The following IREB2 variants were observed in gnomAD, a reference collection of about 807,000 sequenced individuals.
IREB2 encodes iron-responsive element-binding protein 2.
Under a neutral mutation model 118.8 loss-of-function variants are expected in IREB2, and 39 were observed. That is an observed-to-expected ratio of 0.33 (90% confidence interval 0.25 to 0.43). IREB2 has a LOEUF of 0.43. Ranked by LOEUF, IREB2 falls within the 20% of genes least tolerant of loss-of-function variation. The pLI, the probability that IREB2 is intolerant of heterozygous loss-of-function variation, is 1.00. For missense variants in IREB2, 900 were observed against 1,147.3 expected (o/e 0.78, Z 3.11); for synonymous variants, 372 against 392.2 (o/e 0.95, Z 0.61).
rs201564574 is a variant in IREB2, at chr15:78,455,778, G to A, written c.107-7144G>A. The stretch of plus-strand genomic sequence containing the variant: ...CAGATGATATTGTTGGAAAAGTTGA[G>A]GAAGAAAAGATATTTGTTATCTATT... On this transcript the variant is annotated intron_variant, in intron 2 of 21. Transcript: ENST00000258886. Among the ~76,000 whole-genome samples the A allele has an allele frequency of 1.2e-4, 19 of 152,248 alleles. No individual in the cohort carries two copies. In the East Asian group the frequency reaches 3.5e-3, roughly 28 times the overall value.
intron 9 of IREB2, 74 bp downstream of exon 9, chr15:78,476,433 A>G (rs1186568865): frequency 2.8e-6 from 3 of 1,055,248 alleles, no homozygotes; most frequent in African/African-American, 1.6e-5. Flanking sequence ...ATAAATTACT[A>G]CCTTATCCAT....
At chr15:78,441,842 C>A (rs185310160) in intron 2 of IREB2, among the ~76,000 whole-genome samples, 2 of 152,088 alleles carry the variant, frequency 1.3e-5, no homozygotes, top group Non-Finnish European at 2.9e-5. Context: ...TAAATACTTT[C>A]AAAACAGAAA....
chr15:78,495,592 A>G (rs1418670062), intron 20 of IREB2, among the ~76,000 whole-genome samples: 4 of 152,184 alleles, frequency 2.6e-5, no homozygotes, highest in Admixed American at 2.6e-4. Flanking sequence ...GTAGACATCT[A>G]CTTAGTCCCC....
chr15:78,463,095 A>C lies in IREB2; in HGVS notation c.272+8A>C. ...TCTTCTTCAAGATTTTACGTGAGTA[A>C]TGGGTTTATTTTTTGTGAATGAACT... On this transcript the variant is annotated splice_region_variant and intron_variant, in intron 3 of 21. Transcript: ENST00000258886. 4 of 1,585,990 alleles carry C rather than the reference A, an allele frequency of 2.5e-6. No individual in the cohort carries two copies. The highest frequency in any genetic ancestry group is 3.4e-6 in the Non-Finnish European group (4 of 1,168,802).
chr15:78,479,663 T>C (rs964327065), intron 10 of IREB2, among the ~76,000 whole-genome samples: 14 of 152,244 alleles, frequency 9.2e-5, no homozygotes, highest in African/African-American at 3.4e-4. Flanking sequence ...GTTATCTGCA[T>C]CTGGTTTACT....
chr15:78,493,909 C>T lies in IREB2; in HGVS notation c.2325C>T (p.Gly775=), dbSNP rs1420376214. 1.2e-6 allele frequency: 2 copies of T among 1,612,822 alleles called. No individual in the cohort carries two copies. Among genetic ancestry groups the T allele is most frequent in the Non-Finnish European group, 1.7e-6 (2 of 1,179,328 alleles). Residue 775 remains glycine, a splice_region_variant and synonymous_variant, in exon 19 of 22, where the codon GGC becomes GGT. Coordinates refer to ENST00000258886, the MANE Select transcript of IREB2 (RefSeq NM_004136.4). ...SAAAKYLTNR[G]LTPREFNSYG... Reference sequence around the variant, plus strand: ...ACTGACTTTCATTACTTTCTTGTAGCCTTACCCCTCGTGAATTCAACTCTT... The same window carrying T: ...ACTGACTTTCATTACTTTCTTGTAGTCTTACCCCTCGTGAATTCAACTCTT...
At chr15:78,470,687 T>TA in intron 6 of IREB2, 86 bp downstream of exon 6, 3 of 517,574 alleles carry the variant, frequency 5.8e-6, no homozygotes, top group Non-Finnish European at 9.7e-6. Context: ...CTTTTTCTTT[T>TA]CCTTTTTTTT....
At chr15:78,485,887 G>A (rs757903339) in intron 13 of IREB2, 47 bp downstream of exon 13, 4 of 1,496,190 alleles carry the variant, frequency 2.7e-6, no homozygotes, top group Non-Finnish European at 3.7e-6. Context: ...TGTTCAGTAG[G>A]TACTGAAGCT....
chr15:78,463,250 G>C (rs917067450), intron 3 of IREB2, among the ~76,000 whole-genome samples, 163 bp downstream of exon 3: 1 of 152,094 alleles, frequency 6.6e-6, no homozygotes, highest in Non-Finnish European at 1.5e-5. Flanking sequence ...GTCAGTCTGG[G>C]CAACATAGTG....
At chr15:78,493,198 G>A (rs1348301508) in intron 18 of IREB2, among the ~76,000 whole-genome samples, 2 of 140,152 alleles carry the variant, frequency 1.4e-5, no homozygotes, top group Non-Finnish European at 3.1e-5. Flanking sequence ...TAACTTTATT[G>A]CATCAGATAG....
intron 20 of IREB2, among the ~76,000 whole-genome samples, chr15:78,494,661 C>T (rs2051809614): frequency 6.6e-6 from 1 of 152,136 alleles, no homozygotes; most frequent in Non-Finnish European, 1.5e-5. Flanking sequence ...GCAGCCATGA[C>T]CTCCCAGGTG....
rs1049587373 is a variant in IREB2, at chr15:78,494,065, G to C, written c.2472+9G>C. 4 of 1,613,528 alleles carry C rather than the reference G, an allele frequency of 2.5e-6. No individual in the cohort carries two copies. In the African/African-American group the frequency reaches 4.0e-5, roughly 16 times the overall value. On this transcript the variant is annotated intron_variant, in intron 19 of 21. Coordinates refer to ENST00000258886, the MANE Select transcript of IREB2 (RefSeq NM_004136.4). The stretch of plus-strand genomic sequence containing the variant: ...TTCCATCAGGACAGACGGTGAGAAT[G>C]CAAACAAAGTATTTAGACAATTTAT...
intron 5 of IREB2, 40 bp from the exon 6 acceptor site, chr15:78,470,492 T>G (rs898399107): frequency 1.5e-6 from 2 of 1,327,148 alleles, no homozygotes; most frequent in Non-Finnish European, 2.1e-6. Context: ...AAGTCTTTTT[T>G]GTAATACATA....
chr15:78,445,357 C>T (rs1392021832), intron 2 of IREB2, among the ~76,000 whole-genome samples: 2 of 152,064 alleles, frequency 1.3e-5, no homozygotes, highest in Non-Finnish European at 1.5e-5. Context: ...AGGCTGGTCT[C>T]GGAACTCCTG....
chr15:78,464,314 A>G (rs958351318), intron 3 of IREB2, among the ~76,000 whole-genome samples: 1 of 152,180 alleles, frequency 6.6e-6, no homozygotes, highest in African/African-American at 2.4e-5. Context: ...TAGGTGTCCA[A>G]GGATTATTTA....
At chr15:78,472,803 T>A (rs539867307) in intron 7 of IREB2, among the ~76,000 whole-genome samples, 7 of 152,366 alleles carry the variant, frequency 4.6e-5, no homozygotes, top group Admixed American at 6.5e-5. Context: ...TCTGAAAGTC[T>A]TAACTCCCTT....
intron 10 of IREB2, among the ~76,000 whole-genome samples, chr15:78,481,335 T>G: frequency 6.6e-6 from 1 of 151,312 alleles, no homozygotes; most frequent in South Asian, 2.1e-4. Context: ...CCTGAGTAGC[T>G]AGGATTACAG....
chr15:78,493,044 G>A (rs1596016285), intron 18 of IREB2, among the ~76,000 whole-genome samples: 1 of 152,218 alleles, frequency 6.6e-6, no homozygotes, highest in Non-Finnish European at 1.5e-5. Flanking sequence ...GACCTATGAA[G>A]CATTGTTGCC....
At chr15:78,476,386 A>G (rs1288733257) in intron 9 of IREB2, 27 bp downstream of exon 9, 4 of 1,451,160 alleles carry the variant, frequency 2.8e-6, no homozygotes. Flanking sequence ...TCACTAGAAT[A>G]AACATGTTAC....
Sources: gnomAD v4.1 joint callset for allele counts (sites outside exome capture counted in the v4.1 genomes callset) on GRCh38, gnomAD v4.1.1 for gene constraint, MANE v1.5 for transcripts, NCBI Gene and HGNC (gene_info 2026-07-23, HGNC 2026-07-21) for gene names.